Variants in ATXN7 observed in about 807,000 individuals in gnomAD.
ATXN7 encodes ataxin-7.
ATXN7 carries 12 observed loss-of-function variants against 70.5 expected under a neutral mutation model. The ratio of observed to expected loss-of-function variants is 0.17; its 90% CI spans 0.11 to 0.28. ATXN7 has a LOEUF of 0.28. ATXN7 is among the 10% of genes least tolerant of loss of function. ATXN7 has a pLI of 1.00. For missense variants in ATXN7, 1,256 were observed against 1,131.7 expected (o/e 1.11, Z -1.58); for synonymous variants, 498 against 448.7 (o/e 1.11, Z -1.39).
chr3:63,881,254 G>GAAT, intron 1 of ATXN7, among the ~76,000 whole-genome samples: 1 of 151,700 alleles, frequency 6.6e-6, no homozygotes, highest in Non-Finnish European at 1.5e-5. Context: ...TTTTGTGATT[G>GAAT]AGTAGTACCA....
At chr3:63,889,580 G>A (rs1174404836) in intron 1 of ATXN7, among the ~76,000 whole-genome samples, 1 of 152,116 alleles carries the variant, frequency 6.6e-6, no homozygotes, top group Non-Finnish European at 1.5e-5. Context: ...ACTATTTTCT[G>A]ACAAAATACG....
At chr3:63,864,342 T>G (rs1284716093) in intron 1 of ATXN7, among the ~76,000 whole-genome samples, 184 bp downstream of exon 1, 4 of 151,776 alleles carry the variant, frequency 2.6e-5, no homozygotes, top group Non-Finnish European at 5.9e-5. Flanking sequence ...GACGCCCGGA[T>G]CCGGCTGAGC....
chr3:63,928,411 T>C (rs1054236589), intron 4 of ATXN7, among the ~76,000 whole-genome samples: 5 of 152,370 alleles, frequency 3.3e-5, no homozygotes, highest in Middle Eastern at 6.8e-3. Flanking sequence ...ACCCATTTTT[T>C]TTTTTGAGTG....
intron 5 of ATXN7, among the ~76,000 whole-genome samples, chr3:63,955,812 CT>C (rs1363296634): frequency 6.6e-6 from 1 of 152,168 alleles, no homozygotes; most frequent in African/African-American, 2.4e-5. Context: ...CCATCTGTGA[CT>C]TTTATGAACA....
intron 1 of ATXN7, among the ~76,000 whole-genome samples, chr3:63,886,441 A>T (rs1703089199): frequency 6.6e-6 from 1 of 152,226 alleles, no homozygotes; most frequent in Non-Finnish European, 1.5e-5. Flanking sequence ...TATGCTCATT[A>T]GCTTGATTTA....
intron 1 of ATXN7, among the ~76,000 whole-genome samples, chr3:63,892,495 C>CCCACACA (rs1559622155): frequency 7.9e-6 from 1 of 126,852 alleles, no homozygotes; most frequent in Admixed American, 8.0e-5. Context: ...ACACACACAC[C>CCCACACA]CACACACACA....
chr3:63,983,177 A>G (rs2075518040), intron 8 of ATXN7, among the ~76,000 whole-genome samples, 156 bp downstream of exon 8: 2 of 152,232 alleles, frequency 1.3e-5, no homozygotes, highest in Admixed American at 1.3e-4. Flanking sequence ...CTGTTGAAGA[A>G]AGCCTCAGAT....
intron 1 of ATXN7, among the ~76,000 whole-genome samples, chr3:63,870,313 A>G (rs1354987447): frequency 6.6e-6 from 1 of 152,184 alleles, no homozygotes; most frequent in Non-Finnish European, 1.5e-5. Context: ...GATTTGGTCC[A>G]TGGGCCATAA....
intron 4 of ATXN7, among the ~76,000 whole-genome samples, chr3:63,944,503 A>G (rs1246822461): frequency 6.6e-6 from 1 of 151,918 alleles, no homozygotes; most frequent in Non-Finnish European, 1.5e-5. Context: ...AAGGGATGAT[A>G]CATGTCCTGG....
chr3:63,883,948 T>C (rs898846679), intron 1 of ATXN7, among the ~76,000 whole-genome samples: 1 of 152,166 alleles, frequency 6.6e-6, no homozygotes, highest in African/African-American at 2.4e-5. Flanking sequence ...CCAAGCTTGA[T>C]TGATTACCAA....
chr3:63,889,495 G>A (rs1559621211), intron 1 of ATXN7, among the ~76,000 whole-genome samples: 1 of 152,194 alleles, frequency 6.6e-6, no homozygotes, highest in Non-Finnish European at 1.5e-5. Flanking sequence ...AATGTCTTAA[G>A]TAGGAAATGG....
rs2075761444 is a variant in ATXN7 at position 63,996,462 on chromosome 3, G to A, written c.2640G>A (p.Met880Ile). The A allele has an allele frequency of 6.2e-7, 1 of 1,614,136 alleles. No homozygotes were observed. Among genetic ancestry groups the A allele is most frequent in the Non-Finnish European group, 8.5e-7 (1 of 1,180,022 alleles). Reference protein sequence around the residue: ...TGTIPGAQGLMNSSLLHQPKA... With the variant: ...TGTIPGAQGLINSSLLHQPKA... ...CCATCCCAGGGGCACAAGGACTGATGAACAGTTCCCTCCTTCATCAGGTAG... is the reference window on the plus strand; with the variant it reads ...CCATCCCAGGGGCACAAGGACTGATAAACAGTTCCCTCCTTCATCAGGTAG... The change falls in exon 12 of 13, where the codon ATG (methionine) becomes ATA (isoleucine). Residue 880 changes from methionine to isoleucine, a missense_variant. By Grantham distance (10) the Met-to-Ile change is conservative. Coordinates refer to ENST00000674280, the MANE Select transcript of ATXN7 (RefSeq NM_001377405.1).
chr3:63,984,448 T>G (rs1215496224), intron 8 of ATXN7, among the ~76,000 whole-genome samples: 1 of 152,154 alleles, frequency 6.6e-6, no homozygotes, highest in Non-Finnish European at 1.5e-5. Flanking sequence ...TAGAATTATG[T>G]CAGTTTCAGC....
At position 63,990,280 on chromosome 3, in the gene ATXN7, G is replaced by A. The variant is rs767259206; in HGVS notation, c.1466G>A (p.Arg489Gln). Residue 489 changes from arginine to glutamine, a missense_variant, in exon 10 of 13, where the codon CGG becomes CAG. Physicochemically the swap from Arg to Gln is conservative, Grantham distance 43. Coordinates refer to ENST00000674280, the MANE Select transcript of ATXN7 (RefSeq NM_001377405.1). ...CTGCCTGCCACTGAGCCAGCTTCTC[G>A]GTTATCCAGTGAGGAGGGCGAAGGC... ...PPLPATEPASRLSSEEGEGDD... is the reference protein window; with the variant it reads ...PPLPATEPASQLSSEEGEGDD... 6 of 1,613,986 alleles carry A rather than the reference G, an allele frequency of 3.7e-6. No individual in the cohort carries two copies. Among genetic ancestry groups the A allele is most frequent in the Non-Finnish European group, 4.2e-6 (5 of 1,180,034 alleles).
At chr3:63,989,085 T>C (rs2075624136) in intron 9 of ATXN7, among the ~76,000 whole-genome samples, 2 of 152,208 alleles carry the variant, frequency 1.3e-5, no homozygotes, top group African/African-American at 2.4e-5. Context: ...GTCTGATCTT[T>C]AAAATGGTTG....
intron 2 of ATXN7, chr3:63,902,137 A>T (rs2107271022): frequency 6.6e-6 from 1 of 152,348 alleles, no homozygotes; most frequent in South Asian, 2.1e-4. Flanking sequence ...GGCCAGTTGC[A>T]GTGGCTCATA....
rs747967327 is a variant in ATXN7, at chr3:63,988,161, C to G, written c.1198C>G (p.Arg400Gly). 6 of 1,614,062 alleles carry G rather than the reference C, an allele frequency of 3.7e-6. No homozygotes were observed. Among genetic ancestry groups the G allele is most frequent in the South Asian group, 1.1e-5 (1 of 91,058 alleles). ...CAAAACCAGGGAAAAGGAATTGATT[C>G]GCCATCCGGACTCTCAGCAACCACC... ...KNKTREKELI[R>G]HPDSQQPPQP... The change falls in exon 9 of 13, where the codon CGC (arginine) becomes GGC (glycine). Residue 400 changes from arginine (R) to glycine (G), a missense_variant. Coordinates refer to ENST00000674280, the MANE Select transcript of ATXN7 (RefSeq NM_001377405.1).
chr3:63,871,741 A>G (rs1702597207), intron 1 of ATXN7, among the ~76,000 whole-genome samples: 1 of 152,196 alleles, frequency 6.6e-6, no homozygotes, highest in African/African-American at 2.4e-5. Context: ...TTTGAAGTAT[A>G]TGGAAGAAAA....
chr3:63,975,200 T>TG (rs1235185454), intron 5 of ATXN7, among the ~76,000 whole-genome samples: 6 of 152,204 alleles, frequency 3.9e-5, no homozygotes, highest in Non-Finnish European at 2.9e-5. Flanking sequence ...TCAGGTTCTG[T>TG]GGGGGTTTCT....
Sources: gnomAD v4.1 joint callset for allele counts (sites outside exome capture counted in the v4.1 genomes callset) on GRCh38, gnomAD v4.1.1 for gene constraint, MANE v1.5 for transcripts, NCBI Gene and HGNC (gene_info 2026-07-23, HGNC 2026-07-21) for gene names.